Variants in MEIS2 observed in about 807,000 individuals in gnomAD.
MEIS2 encodes the protein homeobox protein Meis2.
Under a neutral mutation model 58.6 loss-of-function variants are expected in MEIS2, and 9 were observed. The ratio of observed to expected loss-of-function variants is 0.15; its 90% CI spans 0.09 to 0.27. The LOEUF (loss-of-function observed/expected upper bound fraction) is 0.27. MEIS2 is among the 10% of genes least tolerant of loss of function. MEIS2 has a pLI of 1.00. For synonymous variants in MEIS2, 221 were observed against 228.4 expected (o/e 0.97, Z 0.29); for missense variants, 427 against 635.0 (o/e 0.67, Z 3.52).
intron 9 of MEIS2, chr15:36,901,002 G>C (rs2056443174): frequency 6.6e-6 from 1 of 152,214 alleles, no homozygotes; most frequent in Admixed American, 6.5e-5. Context: ...GGAGTTACCT[G>C]GAAAGCTGCC....
At chr15:37,096,750 A>T (rs529495986) in intron 2 of MEIS2, among the ~76,000 whole-genome samples, 1 of 152,092 alleles carries the variant, frequency 6.6e-6, no homozygotes, top group Admixed American at 6.6e-5. Flanking sequence ...CTGGAGCCCG[A>T]GTCGATTCTG....
chr15:37,012,494 G>T (rs561989939), intron 8 of MEIS2, among the ~76,000 whole-genome samples: 2 of 152,180 alleles, frequency 1.3e-5, no homozygotes, highest in Non-Finnish European at 2.9e-5. Flanking sequence ...CACAGGTGAC[G>T]TGTGCCCACA....
chr15:37,027,957 C>A (rs934436755), intron 8 of MEIS2, among the ~76,000 whole-genome samples: 4 of 152,118 alleles, frequency 2.6e-5, no homozygotes, highest in Non-Finnish European at 5.9e-5. Flanking sequence ...CACCCAGAGT[C>A]CATACTTTCC....
At position 37,099,644 on chromosome 15, in the gene MEIS2, AT is replaced by A. The variant is rs140248890; in HGVS notation, c.-179del. On this transcript the variant is annotated 5_prime_UTR_variant, in exon 1 of 12. Transcript: ENST00000561208. ...AAAAGCCCAGTCTAGACAACGAAGA[AT>A]TTTTTTTTCTGTGATATTTCTTCTT... 94 of 780,324 alleles carry A rather than the reference AT, an allele frequency of 1.2e-4. No homozygotes were observed. The highest frequency in any genetic ancestry group is 9.2e-4 in the East Asian group (30 of 32,450). The allele number at this position is 780,324 out of a possible 1,614,324, so 48.3% of individuals were successfully genotyped here.
intron 7 of MEIS2, among the ~76,000 whole-genome samples, chr15:37,056,775 T>C (rs938244337): frequency 5.3e-5 from 8 of 152,194 alleles, no homozygotes; most frequent in Admixed American, 4.6e-4. Context: ...TTCAAACCAG[T>C]GTGTCTTCAA....
chr15:36,965,320 T>A (rs2059318387), intron 8 of MEIS2, among the ~76,000 whole-genome samples: 1 of 152,214 alleles, frequency 6.6e-6, no homozygotes, highest in Non-Finnish European at 1.5e-5. Context: ...AACTTACAGA[T>A]AAAATAATTA....
chr15:37,062,957 C>T (rs1889418068), intron 7 of MEIS2, among the ~76,000 whole-genome samples: 1 of 152,158 alleles, frequency 6.6e-6, no homozygotes, highest in African/African-American at 2.4e-5. Context: ...CAATTCCAAA[C>T]TATCAGTAAT....
chr15:37,008,618 CAA>C (rs2061008538), intron 8 of MEIS2, among the ~76,000 whole-genome samples: 1 of 152,102 alleles, frequency 6.6e-6, no homozygotes, highest in Non-Finnish European at 1.5e-5. Flanking sequence ...AATATACTGT[CAA>C]AGTGATTTTT....
In MEIS2 at chr15:36,892,063, A is replaced by G. The variant is rs963749495; in HGVS notation, c.*110T>C. On this transcript the variant is annotated 3_prime_UTR_variant, in exon 12 of 12. Coordinates refer to ENST00000561208, the MANE Select transcript of MEIS2 (RefSeq NM_170675.5). ...TGATGAAAAATGACAAAAGTAAAAA[A>G]TAATCACAGCTGTCTGGAATTTCAT... The G allele has an allele frequency of 2.5e-6, 3 of 1,217,478 alleles. No homozygotes were observed. Among genetic ancestry groups the G allele is most frequent in the Non-Finnish European group, 3.5e-6 (3 of 853,568 alleles). The allele number at this position is 1,217,478 out of a possible 1,614,324, so 75.4% of individuals were successfully genotyped here. A position where few individuals can be genotyped will look rare whatever the true frequency, so the allele number is the denominator to read the frequency against.
At chr15:37,045,127 A>G (rs1019365953) in intron 7 of MEIS2, among the ~76,000 whole-genome samples, 2 of 152,190 alleles carry the variant, frequency 1.3e-5, no homozygotes, top group Non-Finnish European at 2.9e-5. Context: ...TACACTGCTT[A>G]TAGAAATGGT....
chr15:37,092,078 C>T (rs554568326), intron 6 of MEIS2, among the ~76,000 whole-genome samples: 5 of 152,310 alleles, frequency 3.3e-5, no homozygotes, highest in East Asian at 3.9e-4. Context: ...GATTTCATTA[C>T]ATTCACTCAA....
chr15:36,915,674 G>A (rs1005908284), intron 9 of MEIS2, among the ~76,000 whole-genome samples: 2 of 152,226 alleles, frequency 1.3e-5, no homozygotes, highest in Non-Finnish European at 1.5e-5. Flanking sequence ...TGCCAGCAGG[G>A]GTTGGCCCAT....
intron 8 of MEIS2, among the ~76,000 whole-genome samples, chr15:36,976,374 G>A (rs538595462): frequency 1.3e-4 from 19 of 151,848 alleles, no homozygotes; most frequent in Admixed American, 4.6e-4. Flanking sequence ...GTGAGCCACC[G>A]CGCCTGGCCT....
At chr15:37,037,522 C>A (rs1595982705) in intron 7 of MEIS2, among the ~76,000 whole-genome samples, 1 of 151,286 alleles carries the variant, frequency 6.6e-6, no homozygotes, top group Admixed American at 6.6e-5. Context: ...GCTCTCTGCA[C>A]CACTGATCAT....
At chr15:36,900,678 T>C (rs1388561364) in intron 9 of MEIS2, among the ~76,000 whole-genome samples, 2 of 152,198 alleles carry the variant, frequency 1.3e-5, no homozygotes, top group Non-Finnish European at 1.5e-5. Context: ...AAGAGCTATT[T>C]CCCAGAGACC....
Position 37,013,348 on chromosome 15 carries a change from A to G in MEIS2, c.900+23466T>C, listed in dbSNP as rs368758455. ...CACTTTAGGAGGCCGAGGTGGATGG[A>G]TCACCTGAAGTCAGAAGTTCAAGAC... On this transcript the variant is annotated intron_variant, in intron 8 of 11. Coordinates refer to ENST00000561208, the MANE Select transcript of MEIS2 (RefSeq NM_170675.5). Among the ~76,000 whole-genome samples, 15 of 152,120 alleles carry G rather than the reference A, an allele frequency of 9.9e-5. No individual in the cohort carries two copies. The East Asian group carries it at 1.3e-3, about 14-fold the overall frequency.
Position 36,991,428 on chromosome 15 carries a change from C to T in MEIS2, c.901-41028G>A, listed in dbSNP as rs375285633. On this transcript the variant is annotated intron_variant, in intron 8 of 11. Coordinates refer to ENST00000561208, the MANE Select transcript of MEIS2 (RefSeq NM_170675.5). The stretch of plus-strand genomic sequence containing the variant: ...TCTGTCACAAAGCAAAAGGAGTTCC[C>T]ATTTTCACTAATTCTGTCATCACCT... 2.7e-5 allele frequency among the ~76,000 whole-genome samples: 4 copies of T among 149,962 alleles called. No individual in the cohort carries two copies. The East Asian group carries it at 5.9e-4, about 22-fold the overall frequency.
At chr15:36,949,792 C>G (rs950231901) in intron 9 of MEIS2, among the ~76,000 whole-genome samples, 7 of 151,934 alleles carry the variant, frequency 4.6e-5, no homozygotes, top group African/African-American at 1.5e-4. Context: ...CATACACCAG[C>G]ACGGGAGTAA....
chr15:37,061,185 C>A (rs893100990), intron 7 of MEIS2, among the ~76,000 whole-genome samples: 11 of 152,226 alleles, frequency 7.2e-5, no homozygotes, highest in African/African-American at 2.6e-4. Context: ...TCAAAATAAA[C>A]CTTCTCACTG....
Sources: allele counts gnomAD v4.1 joint callset (sites outside exome capture counted in the v4.1 genomes callset), GRCh38; gene constraint gnomAD v4.1.1; transcripts MANE v1.5; gene names NCBI Gene and HGNC (gene_info 2026-07-23, HGNC 2026-07-21).